Variants in LARP1B observed in about 807,000 individuals in gnomAD.
The protein encoded by LARP1B is la-related protein 1B.
In LARP1B, 76 loss-of-function variants were observed where a neutral mutation model predicts 114.2. That is an observed-to-expected ratio of 0.67 (90% CI 0.55 to 0.81). The LOEUF is 0.81. Among genes scored for constraint, LARP1B ranks in the 30% least tolerant of loss-of-function variants. LARP1B has a pLI of 0.00. For synonymous variants in LARP1B, 345 were observed against 348.0 expected, an observed-to-expected ratio of 0.99 and a Z score of 0.10; for missense variants, 1,014 against 1,075.8, an observed-to-expected ratio of 0.94 and a Z score of 0.80.
At chr4:128,200,448 T>A in intron 16 of LARP1B, 73 bp from the exon 17 acceptor site, 1 of 982,484 alleles carries the variant, frequency 1.0e-6, no homozygotes, top group African/African-American at 1.7e-5. Flanking sequence ...TTCTTCATTT[T>A]ATATATAACA....
chr4:128,140,323 A>C (rs1044290994), intron 11 of LARP1B, among the ~76,000 whole-genome samples: 1 of 152,226 alleles, frequency 6.6e-6, no homozygotes, highest in Non-Finnish European at 1.5e-5. Context: ...TCATTATAGT[A>C]GTGAAAAGTA....
chr4:128,216,917 AAG>A (rs1759537720), downstream of LARP1B, among the ~76,000 whole-genome samples: 1 of 152,270 alleles, frequency 6.6e-6, no homozygotes, highest in African/African-American at 2.4e-5. Context: ...TAAAGAAAAA[AAG>A]AGAAGAATCA....
chr4:128,086,009 C>CTTTTTT (rs143345158), intron 5 of LARP1B, among the ~76,000 whole-genome samples: 6 of 91,268 alleles, frequency 6.6e-5, no homozygotes, highest in Non-Finnish European at 1.1e-4. Context: ...TCATGGTATT[C>CTTTTTT]TTTTTTTTTT....
intron 19 of LARP1B, among the ~76,000 whole-genome samples, chr4:128,208,154 T>C: frequency 6.6e-6 from 1 of 151,748 alleles, no homozygotes; most frequent in East Asian, 1.9e-4. Flanking sequence ...ATGGCAAAAC[T>C]CTGTCTCTAC....
intron 15 of LARP1B, among the ~76,000 whole-genome samples, chr4:128,188,942 T>C (rs1159347792): frequency 6.6e-6 from 1 of 152,238 alleles, no homozygotes; most frequent in Non-Finnish European, 1.5e-5. Flanking sequence ...GAATGTTCCA[T>C]GTGCTAATGA....
chr4:128,159,682 C>G (rs1181458102), intron 11 of LARP1B, among the ~76,000 whole-genome samples: 1 of 152,160 alleles, frequency 6.6e-6, no homozygotes. Context: ...CATTCTTGTT[C>G]AAATGGCTAA....
chr4:128,146,780 C>T (rs1364360037), intron 11 of LARP1B, among the ~76,000 whole-genome samples: 1 of 152,090 alleles, frequency 6.6e-6, no homozygotes, highest in African/African-American at 2.4e-5. Flanking sequence ...TATTTCAAAG[C>T]AGAACAGTTA....
At chr4:128,152,521 ATTTTTTAT>A (rs907858218) in intron 11 of LARP1B, among the ~76,000 whole-genome samples, 2 of 148,916 alleles carry the variant, frequency 1.3e-5, no homozygotes, top group Non-Finnish European at 3.0e-5. Context: ...ATTTTTATTT[ATTTTTTAT>A]TTTTTTATTT....
intron 9 of LARP1B, among the ~76,000 whole-genome samples, chr4:128,112,168 C>G (rs1283801906): frequency 6.6e-6 from 1 of 152,050 alleles, no homozygotes; most frequent in East Asian, 1.9e-4. Context: ...AATAAAGTTA[C>G]AGAGCACCAC....
At chr4:128,083,523 G>A (rs1458035342) in intron 5 of LARP1B, among the ~76,000 whole-genome samples, 8 of 150,372 alleles carry the variant, frequency 5.3e-5, no homozygotes, top group African/African-American at 1.5e-4. Context: ...AGGGGCGGCC[G>A]GGCAGAGGCG....
intron 8 of LARP1B, among the ~76,000 whole-genome samples, chr4:128,105,495 AGC>A (rs1781768157): frequency 6.6e-6 from 1 of 152,230 alleles, no homozygotes; most frequent in Admixed American, 6.5e-5. Context: ...ACTCATCTAA[AGC>A]TTTCACCATA....
chr4:128,061,795 C>G (rs1760208979), intron 1 of LARP1B: 2 of 984,798 alleles, frequency 2.0e-6, no homozygotes, highest in Non-Finnish European at 2.4e-6. Context: ...ACCGGCCGGC[C>G]GAGCAGCCGC....
rs1736915887 is a variant in LARP1B at position 128,158,580 on chromosome 4, A to G, written c.1525-3614A>G. 3.9e-5 allele frequency among the ~76,000 whole-genome samples: 6 copies of G among 152,308 alleles called. No homozygotes were observed. In the South Asian group the frequency reaches 1.2e-3, roughly 32 times the overall value. On this transcript the variant is annotated intron_variant, in intron 11 of 19. Transcript: ENST00000326639. Reference sequence around the variant, plus strand: ...AAATCAATAAGAGAAAGACAACCCTATAGAAAAATGAGCAATAGTATTGAA... The same window carrying G: ...AAATCAATAAGAGAAAGACAACCCTGTAGAAAAATGAGCAATAGTATTGAA...
chr4:128,221,759 T>C (rs1203156770), intron 7 of LARP1B, among the ~76,000 whole-genome samples: 1 of 152,192 alleles, frequency 6.6e-6, no homozygotes, highest in Non-Finnish European at 1.5e-5. Context: ...GGATGGACTT[T>C]AAGGGAAAGG....
chr4:128,079,385 G>A (rs958409588), intron 4 of LARP1B, among the ~76,000 whole-genome samples: 5 of 150,700 alleles, frequency 3.3e-5, no homozygotes, highest in East Asian at 2.0e-4. Flanking sequence ...ATGAGCCACC[G>A]GGCCTGGCCG....
rs953189241 is a variant in LARP1B at position 128,092,799 on chromosome 4, G to A, written c.668+1287G>A. ...CAGTTGATGCAAACACTGAAGAAAA[G>A]GGCCTTTTTGTGGGCAGAAAGTGCT... On this transcript the variant is annotated intron_variant, in intron 7 of 19. Coordinates refer to ENST00000326639, the MANE Select transcript of LARP1B (RefSeq NM_018078.4). 7.1e-6 allele frequency: 7 copies of A among 985,284 alleles called. No homozygotes were observed. In the African/African-American group the frequency reaches 8.7e-5, roughly 12 times the overall value. 61.0% of individuals were successfully genotyped at this position (985,284 alleles called of 1,614,324 possible).
At position 128,065,303 on chromosome 4, in the gene LARP1B, T is replaced by C. The variant is rs78337836; in HGVS notation, c.-78+3902T>C. Among the ~76,000 whole-genome samples the C allele has an allele frequency of 5.7e-3, 657 of 114,542 alleles. 7 individuals carry two copies. Among genetic ancestry groups the C allele is most frequent in the Middle Eastern group, 0.047 (11 of 236 alleles). The allele number at this position is 114,542 out of a possible 152,430, so 75.1% of individuals were successfully genotyped here. A position where few individuals can be genotyped will look rare whatever the true frequency, so the allele number is the denominator to read the frequency against. ...TTTCTTTCTTTCTTTCTTTCTTTCT[T>C]TCTTTCTTTCTTTCTCTCTCTCTCT... is the stretch of plus-strand genomic sequence containing the variant. On this transcript the variant is annotated intron_variant, in intron 1 of 19. Transcript: ENST00000326639.
At position 128,109,949 on chromosome 4, in the gene LARP1B, G is replaced by A. The variant is rs555105934; in HGVS notation, c.988+2636G>A. ...GACGGAGCCTCACTCTGTCGCTCAGGCTGGAGTACAGTGGCGCAGTCTCGG... is the reference window on the plus strand; with the variant it reads ...GACGGAGCCTCACTCTGTCGCTCAGACTGGAGTACAGTGGCGCAGTCTCGG... On this transcript the variant is annotated intron_variant, in intron 9 of 19. Transcript: ENST00000326639. Among the ~76,000 whole-genome samples the A allele has an allele frequency of 2.6e-5, 4 of 152,188 alleles. No individual in the cohort carries two copies. The East Asian group carries it at 7.7e-4, about 29-fold the overall frequency.
chr4:128,174,552 C>A (rs937798652), intron 12 of LARP1B, among the ~76,000 whole-genome samples: 10 of 152,032 alleles, frequency 6.6e-5, no homozygotes, highest in African/African-American at 2.4e-4. Context: ...AAAATTCACC[C>A]TGGAATAAAA....
Sources: gnomAD v4.1 joint callset for allele counts (sites outside exome capture counted in the v4.1 genomes callset) on GRCh38, gnomAD v4.1.1 for gene constraint, MANE v1.5 for transcripts, NCBI Gene and HGNC (gene_info 2026-07-23, HGNC 2026-07-21) for gene names.